OR3A2: variants seen among roughly 807,000 people sequenced by gnomAD.
OR3A2 encodes olfactory receptor 3A2.
For synonymous variants in OR3A2, 126 were observed against 159.3 expected (o/e 0.79, Z 1.57); for missense variants, 318 against 392.8 (o/e 0.81, Z 1.61).
exon 2 of OR3A2, chr17:3,278,068 T>C (rs2048751750): frequency 6.2e-7 from 1 of 1,614,202 alleles, no homozygotes; most frequent in Non-Finnish European, 8.5e-7. Flanking sequence ...ATAGGGTTGA[T>C]AACAGTGTTG....
chr17:3,306,318 AT>A (rs1555525909), intron 3 of OR3A2, among the ~76,000 whole-genome samples: 1 of 151,466 alleles, frequency 6.6e-6, no homozygotes, highest in African/African-American at 2.4e-5. Context: ...CAGTCAGCTA[AT>A]TTTTTTTGTA....
At chr17:3,380,320 G>C (rs1293792390) in intron 2 of OR3A2, among the ~76,000 whole-genome samples, 2 of 152,218 alleles carry the variant, frequency 1.3e-5, no homozygotes, top group Non-Finnish European at 2.9e-5. Flanking sequence ...GCACAGGGAA[G>C]TGGATGAACC....
At chr17:3,293,490 C>G (rs1475401515) in intron 3 of OR3A2, among the ~76,000 whole-genome samples, 2 of 152,084 alleles carry the variant, frequency 1.3e-5, no homozygotes, top group African/African-American at 4.8e-5. Context: ...ATGTCTTAGA[C>G]TTGCAAGATA....
intron 3 of OR3A2, among the ~76,000 whole-genome samples, chr17:3,298,875 C>T (rs1284959493): frequency 1.3e-5 from 2 of 152,160 alleles, no homozygotes; most frequent in Non-Finnish European, 2.9e-5. Flanking sequence ...TATCCACTGC[C>T]GTGTCAGCCT....
At chr17:3,292,797 A>C (rs1451179797) in intron 3 of OR3A2, among the ~76,000 whole-genome samples, 1 of 152,134 alleles carries the variant, frequency 6.6e-6, no homozygotes, top group Non-Finnish European at 1.5e-5. Context: ...GCGTAAGCAC[A>C]GGTAACATTA....
chr17:3,368,892 T>C (rs1160342829), intron 2 of OR3A2, among the ~76,000 whole-genome samples: 1 of 152,240 alleles, frequency 6.6e-6, no homozygotes, highest in African/African-American at 2.4e-5. Context: ...TCCGTTTCTT[T>C]GTGTCCTCTA....
chr17:3,331,217 A>G (rs2049229893), intron 3 of OR3A2, among the ~76,000 whole-genome samples: 4 of 151,886 alleles, frequency 2.6e-5, no homozygotes. Context: ...CTCAAGGAGT[A>G]ACTTTGTGGC....
intron 3 of OR3A2, among the ~76,000 whole-genome samples, 175 bp downstream of exon 2, chr17:3,335,854 T>C (rs1336598690): frequency 2.0e-5 from 3 of 152,186 alleles, no homozygotes; most frequent in African/African-American, 7.2e-5. Context: ...CAATCCAATT[T>C]TTCTTACTTA....
chr17:3,323,842 T>C (rs2049147163), intron 3 of OR3A2, among the ~76,000 whole-genome samples: 1 of 152,016 alleles, frequency 6.6e-6, no homozygotes, highest in Non-Finnish European at 1.5e-5. Flanking sequence ...TGTTTTGGAG[T>C]TGCTCTTCTC....
chr17:3,303,911 A>AT (rs2048983511), intron 3 of OR3A2, among the ~76,000 whole-genome samples: 1 of 129,050 alleles, frequency 7.7e-6, no homozygotes, highest in Admixed American at 8.9e-5. Context: ...AAATAGATAT[A>AT]GATATAGATA....
intron 1 of OR3A2, among the ~76,000 whole-genome samples, chr17:3,283,716 A>G (rs9907884): frequency 0.2 from 30,360 of 151,986 alleles, 4,046 homozygotes; most frequent in African/African-American, 0.36. Flanking sequence ...CAGGACAAGC[A>G]GGTCATGGAC....
chr17:3,341,570 T>G (rs1175939497), intron 2 of OR3A2, among the ~76,000 whole-genome samples: 1 of 152,122 alleles, frequency 6.6e-6, no homozygotes, highest in Non-Finnish European at 1.5e-5. Context: ...ATTCTTTTCT[T>G]TAAGAATGTT....
At chr17:3,332,934 G>T (rs1035944670) in intron 3 of OR3A2, among the ~76,000 whole-genome samples, 1 of 152,132 alleles carries the variant, frequency 6.6e-6, no homozygotes, top group Non-Finnish European at 1.5e-5. Flanking sequence ...AATATGAAAT[G>T]AGTGCACCTT....
chr17:3,365,384 G>A (rs1341102918), intron 2 of OR3A2, among the ~76,000 whole-genome samples: 1 of 152,178 alleles, frequency 6.6e-6, no homozygotes, highest in Admixed American at 6.5e-5. Context: ...AGAAACTGAG[G>A]CAAAGACAAA....
At chr17:3,370,472 C>T (rs572401017) in intron 2 of OR3A2, among the ~76,000 whole-genome samples, 2 of 152,162 alleles carry the variant, frequency 1.3e-5, no homozygotes, top group African/African-American at 4.8e-5. Flanking sequence ...GTCAAAGAAC[C>T]AGCTTTTTGT....
At chr17:3,354,446 A>C (rs2049446928) in intron 2 of OR3A2, among the ~76,000 whole-genome samples, 1 of 150,822 alleles carries the variant, frequency 6.6e-6, no homozygotes, top group South Asian at 2.1e-4. Context: ...TTTTATTATG[A>C]CTTTCATCTC....
At chr17:3,302,482 A>T (rs1029273715) in intron 3 of OR3A2, among the ~76,000 whole-genome samples, 11 of 152,218 alleles carry the variant, frequency 7.2e-5, no homozygotes, top group African/African-American at 2.4e-4. Flanking sequence ...TGACAAAAAC[A>T]TTCCCTATTT....
At chr17:3,356,508 T>C (rs1360916639) in intron 2 of OR3A2, among the ~76,000 whole-genome samples, 1 of 151,402 alleles carries the variant, frequency 6.6e-6, no homozygotes, top group Admixed American at 6.6e-5. Flanking sequence ...CATATGCAAA[T>C]AAATTCAAAA....
At chr17:3,305,130 TAA>T (rs10599489) in intron 3 of OR3A2, among the ~76,000 whole-genome samples, 25,229 of 152,196 alleles carry the variant, frequency 0.17, 2,970 homozygotes, top group African/African-American at 0.33. Flanking sequence ...CACTGCATAT[TAA>T]GTTTGCATAA....
Sources: allele counts gnomAD v4.1 joint callset (sites outside exome capture counted in the v4.1 genomes callset), GRCh38; gene constraint gnomAD v4.1.1; transcripts MANE v1.5; gene names NCBI Gene and HGNC (gene_info 2026-07-23, HGNC 2026-07-21).